Variants in GGA2 observed in about 807,000 individuals in gnomAD.
GGA2 encodes golgi associated, gamma adaptin ear containing, ARF binding protein 2.
A neutral mutation model predicts 79.5 loss-of-function variants in GGA2; 48 were observed. The ratio of observed to expected loss-of-function variants is 0.60; its 90% CI spans 0.48 to 0.77. GGA2 has a LOEUF of 0.77. GGA2 is among the 30% of genes least tolerant of loss of function. The probability of loss-of-function intolerance (pLI) is 0.00; values close to 1 mark genes in which losing one functional copy is unlikely to be tolerated. For missense variants in GGA2, 770 were observed against 774.0 expected (o/e 0.99, Z 0.06); for synonymous variants, 317 against 302.0 (o/e 1.05, Z -0.51).
At position 23,478,504 on chromosome 16, in the gene GGA2, G is replaced by T; in HGVS notation, c.1159-3C>A. On this transcript the variant is annotated splice_polypyrimidine_tract_variant and splice_region_variant and intron_variant, in intron 12 of 16. Coordinates refer to ENST00000309859, the MANE Select transcript of GGA2 (RefSeq NM_015044.4). Reference sequence around the variant, plus strand: ...TCACAGCAATTCTGACCAGAAACCTGTCAAATCAGGAATGGCTAAAATAAG... The same window carrying T: ...TCACAGCAATTCTGACCAGAAACCTTTCAAATCAGGAATGGCTAAAATAAG... 6.2e-7 allele frequency: 1 copy of T among 1,604,096 alleles called. No homozygotes were observed. Among genetic ancestry groups the T allele is most frequent in the Non-Finnish European group, 8.5e-7 (1 of 1,173,404 alleles).
chr16:23,482,977 G>C lies in GGA2; in HGVS notation c.826C>G (p.Arg276Gly). 1 of 1,611,660 alleles carries C rather than the reference G, an allele frequency of 6.2e-7. No individual in the cohort carries two copies. The change falls in exon 9 of 17, where the codon CGG (arginine) becomes GGG (glycine). Residue 276 changes from arginine (R) to glycine (G), a missense_variant. Physicochemically the swap from Arg to Gly is moderately radical, Grantham distance 125. Coordinates refer to ENST00000309859, the MANE Select transcript of GGA2 (RefSeq NM_015044.4). Reference protein sequence around the residue: ...QVVYERCEKLRPTLFRLASDT... With the variant: ...QVVYERCEKLGPTLFRLASDT... ...CTCGCCAACCGGAACAGCGTGGGCC[G>C]CAGCTTTTCACACCTCTCATACACG...
chr16:23,522,103 A>G (rs565100793), upstream of GGA2: 2 of 278,038 alleles, frequency 7.2e-6, no homozygotes, highest in African/African-American at 4.3e-5. Context: ...GGCTCATATA[A>G]GCGCACAATA....
chr16:23,499,366 G>A lies in GGA2; in HGVS notation c.92-3588C>T, dbSNP rs576710680. ...TCACTATATTGGCCAGGCTAGTCTC[G>A]AACTACTGACCTCGTGATCCGTCCA... On this transcript the variant is annotated intron_variant, in intron 1 of 16. Coordinates refer to ENST00000309859, the MANE Select transcript of GGA2 (RefSeq NM_015044.4). Among the ~76,000 whole-genome samples, 10 of 152,102 alleles carry A rather than the reference G, an allele frequency of 6.6e-5. No individual in the cohort carries two copies. In the South Asian group the frequency reaches 2.1e-3, roughly 32 times the overall value.
At position 23,470,148 on chromosome 16, in the gene GGA2, T is replaced by C; in HGVS notation, c.1468A>G (p.Ile490Val). 1 of 1,602,014 alleles carries C rather than the reference T, an allele frequency of 6.2e-7. No homozygotes were observed. The highest frequency in any genetic ancestry group is 8.5e-7 in the Non-Finnish European group (1 of 1,175,144). Residue 490 changes from isoleucine (I) to valine (V), a missense_variant, in exon 15 of 17, where the codon ATT becomes GTT. Physicochemically the swap from Ile to Val is conservative, Grantham distance 29. Transcript: ENST00000309859. ...SVKPSSLPPL[I>V]VYDRNGFRIL... The stretch of plus-strand genomic sequence containing the variant: ...CTGAATCCATTCCGGTCATACACAA[T>C]GAGAGGCGGCAGGCTGCCTGGTATA...
intron 7 of GGA2, 134 bp from the exon 8 acceptor site, chr16:23,486,286 C>T: frequency 1.3e-6 from 1 of 743,636 alleles, no homozygotes; most frequent in Non-Finnish European, 2.2e-6. Context: ...CATGGGAGAA[C>T]TCACACAGTG....
At position 23,472,733 on chromosome 16, in the gene GGA2, T is replaced by C. The variant is rs890292455; in HGVS notation, c.1450+2171A>G. 2.0e-5 allele frequency among the ~76,000 whole-genome samples: 3 copies of C among 147,138 alleles called. No homozygotes were observed. The South Asian group carries it at 6.6e-4, about 32-fold the overall frequency. ...AAAAATAAAATAAAATAAAATAATT[T>C]AAAAAAAAAGACTGAATAGGGCCGG... On this transcript the variant is annotated intron_variant, in intron 14 of 16. Transcript: ENST00000309859.
chr16:23,476,281 T>C (rs1345328065), intron 13 of GGA2, among the ~76,000 whole-genome samples: 3 of 152,190 alleles, frequency 2.0e-5, no homozygotes, highest in Non-Finnish European at 4.4e-5. Flanking sequence ...CAAATGGGAA[T>C]GAACTCCCAG....
At position 23,474,977 on chromosome 16, in the gene GGA2, C is replaced by T. The variant is rs35419934; in HGVS notation, c.1377G>A (p.Pro459=). The stretch of plus-strand genomic sequence containing the variant: ...TCTGTGAAGATGGGGAAGGAGCCAA[C>T]GGGCCAGCCTCCCAGGACCAACCTG... ...SSPGWSWEAG[P]LAPSPSSQNT... Residue 459 remains proline (P), a synonymous_variant, in exon 14 of 17, where the codon CCG becomes CCA. Transcript: ENST00000309859. 5.6e-5 allele frequency: 91 copies of T among 1,611,070 alleles called. No individual in the cohort carries two copies. The highest frequency in any genetic ancestry group is 3.5e-4 in the Admixed American group (21 of 59,954).
chr16:23,479,139 A>C, intron 11 of GGA2: 1 of 579,354 alleles, frequency 1.7e-6, no homozygotes, highest in Admixed American at 2.9e-5. Flanking sequence ...TGTGCTCCCC[A>C]AGGGAACCAG....
intron 1 of GGA2, among the ~76,000 whole-genome samples, chr16:23,498,661 C>A (rs1268123849): frequency 6.6e-6 from 1 of 152,196 alleles, no homozygotes; most frequent in East Asian, 1.9e-4. Flanking sequence ...CTTAGTACAG[C>A]AGCATGCAGT....
upstream of GGA2, chr16:23,510,511 A>G (rs895375056): frequency 4.5e-5 from 20 of 445,300 alleles, no homozygotes; most frequent in South Asian, 1.4e-3. Context: ...GGAGCGGTGG[A>G]CACGTGACGG....
In GGA2 at chr16:23,495,768, T is replaced by G. The variant is rs1466301669; in HGVS notation, c.102A>C (p.Thr34=). ...ASLELWLNKA[T]DPSMSEQDWS... is the part of the protein sequence containing the mutation. ...AATCCTGTTCCGACATGCTTGGGTC[T>G]GTGGCTTTGTCTGTCAAATAAATAA... The change falls in exon 2 of 17, where the codon ACA becomes ACC. Residue 34 remains threonine, a synonymous_variant. Coordinates refer to ENST00000309859, the MANE Select transcript of GGA2 (RefSeq NM_015044.4). 6.2e-7 allele frequency: 1 copy of G among 1,609,734 alleles called. No homozygotes were observed. The highest frequency in any genetic ancestry group is 1.1e-5 in the South Asian group (1 of 90,898).
intron 6 of GGA2, among the ~76,000 whole-genome samples, chr16:23,487,190 C>G (rs192421374): frequency 6.6e-6 from 1 of 152,186 alleles, no homozygotes; most frequent in Admixed American, 6.5e-5. Flanking sequence ...CCATGTTGGC[C>G]AGGATGGTCT....
chr16:23,480,904 T>G, intron 9 of GGA2, 134 bp from the exon 10 acceptor site: 2 of 809,306 alleles, frequency 2.5e-6, no homozygotes, highest in Non-Finnish European at 4.1e-6. Context: ...GCCTCCAGGT[T>G]GTGTCATCGG....
intron 10 of GGA2, chr16:23,480,160 C>T (rs1964629729): frequency 2.4e-6 from 1 of 424,526 alleles, no homozygotes; most frequent in Non-Finnish European, 4.4e-6. Context: ...TCGGCCTTCT[C>T]CAGCTCAGGC....
intron 4 of GGA2, 41 bp from the exon 5 acceptor site, chr16:23,491,841 A>C (rs1406451124): frequency 7.0e-7 from 1 of 1,433,136 alleles, no homozygotes; most frequent in Non-Finnish European, 9.8e-7. Flanking sequence ...GCTGGAAGGG[A>C]CTTGGGAGAC....
In GGA2 at chr16:23,480,788, A is replaced by G. The variant is rs1437205883; in HGVS notation, c.881-18T>C. 3 of 1,598,068 alleles carry G rather than the reference A, an allele frequency of 1.9e-6. No individual in the cohort carries two copies. The Admixed American group carries it at 5.0e-5, about 27-fold the overall frequency. ...AATTTCCGCTGAAGAATGAGGGAAG[A>G]CTCAGAACCCCCTGGTTTGGCAACC... is the stretch of plus-strand genomic sequence containing the variant. On this transcript the variant is annotated intron_variant, in intron 9 of 16. Coordinates refer to ENST00000309859, the MANE Select transcript of GGA2 (RefSeq NM_015044.4).
At chr16:23,495,628 G>T (rs1191163220) in intron 2 of GGA2, 66 bp downstream of exon 2, 3 of 881,598 alleles carry the variant, frequency 3.4e-6, no homozygotes, top group South Asian at 3.2e-5. Flanking sequence ...AGTCTTGAGA[G>T]ACAAAGGCCT....
intron 2 of GGA2, among the ~76,000 whole-genome samples, chr16:23,517,642 G>A (rs1489325661): frequency 6.6e-6 from 1 of 152,124 alleles, no homozygotes; most frequent in African/African-American, 2.4e-5. Flanking sequence ...GTCCAGTCCT[G>A]AACAACTTTG....
Sources: allele counts gnomAD v4.1 joint callset (sites outside exome capture counted in the v4.1 genomes callset), GRCh38; gene constraint gnomAD v4.1.1; transcripts MANE v1.5; gene names NCBI Gene and HGNC (gene_info 2026-07-23, HGNC 2026-07-21).